TRDN: variants seen among roughly 807,000 people sequenced by gnomAD.
The protein encoded by TRDN is triadin.
In TRDN, 161 loss-of-function variants were observed where a neutral mutation model predicts 149.7. That is an observed-to-expected ratio of 1.08 (90% CI 0.95 to 1.23). The LOEUF (loss-of-function observed/expected upper bound fraction) is 1.23, where lower values mean the gene tolerates loss of function less well. TRDN is among the 50% of genes most tolerant of loss of function. TRDN has a pLI of 0.00. For synonymous variants in TRDN, 294 were observed against 250.5 expected (o/e 1.17, Z -1.64); for missense variants, 896 against 823.5 (o/e 1.09, Z -1.08).
intron 1 of TRDN, among the ~76,000 whole-genome samples, chr6:123,585,498 A>T (rs914919229): frequency 6.6e-6 from 1 of 152,130 alleles, no homozygotes; most frequent in Non-Finnish European, 1.5e-5. Flanking sequence ...GAGTTACCCG[A>T]AGCTCGGCAT....
At chr6:123,377,559 T>C (rs1582939191) in intron 18 of TRDN, among the ~76,000 whole-genome samples, 157 bp downstream of exon 18, 3 of 152,184 alleles carry the variant, frequency 2.0e-5, no homozygotes, top group African/African-American at 7.2e-5. Flanking sequence ...TAAAACTGCA[T>C]TGATGTTATG....
At position 123,255,137 on chromosome 6, in the gene TRDN, G is replaced by A; in HGVS notation, c.1907-12C>T. ...TTTTCTTGTTGAGACTGTTAATAAG[G>A]AAAATGTAAATTAAAATATAAATTT... is the stretch of plus-strand genomic sequence containing the variant. On this transcript the variant is annotated splice_polypyrimidine_tract_variant and intron_variant, in intron 36 of 40. Transcript: ENST00000334268. 1 of 1,194,978 alleles carries A rather than the reference G, an allele frequency of 8.4e-7. No homozygotes were observed. Among genetic ancestry groups the A allele is most frequent in the Non-Finnish European group, 1.1e-6 (1 of 873,438 alleles). 74.0% of individuals were successfully genotyped at this position (1,194,978 alleles called of 1,614,324 possible).
chr6:123,435,658 T>C (rs1021242625), intron 12 of TRDN, among the ~76,000 whole-genome samples: 1 of 151,996 alleles, frequency 6.6e-6, no homozygotes, highest in Admixed American at 6.6e-5. Context: ...GAAAAATCAA[T>C]GGAATTTTGT....
At chr6:123,362,486 G>C (rs1372794806) in intron 20 of TRDN, among the ~76,000 whole-genome samples, 3 of 152,002 alleles carry the variant, frequency 2.0e-5, no homozygotes, top group Non-Finnish European at 4.4e-5. Flanking sequence ...GATAATTACT[G>C]TTCCTCATAT....
intron 5 of TRDN, among the ~76,000 whole-genome samples, chr6:123,526,183 G>A (rs1413661349): frequency 6.6e-6 from 1 of 152,006 alleles, no homozygotes; most frequent in Non-Finnish European, 1.5e-5. Context: ...TACAGTCTAT[G>A]CATCTTTATA....
chr6:123,575,166 A>T (rs1782791065), intron 1 of TRDN, among the ~76,000 whole-genome samples: 1 of 151,858 alleles, frequency 6.6e-6, no homozygotes, highest in Non-Finnish European at 1.5e-5. Context: ...TGACTCAAAG[A>T]TACTGAAAAT....
chr6:123,450,719 T>C (rs1583050029), intron 10 of TRDN, among the ~76,000 whole-genome samples: 1 of 152,006 alleles, frequency 6.6e-6, no homozygotes, highest in African/African-American at 2.4e-5. Flanking sequence ...AAAGAAACAA[T>C]GGATTTAAAC....
chr6:123,361,113 G>A (rs148504660), intron 20 of TRDN, among the ~76,000 whole-genome samples: 25 of 152,196 alleles, frequency 1.6e-4, no homozygotes, highest in African/African-American at 5.5e-4. Flanking sequence ...TAGGATTGCC[G>A]TGTCAAACAG....
chr6:123,238,933 T>C (rs1033486292), intron 38 of TRDN, among the ~76,000 whole-genome samples: 3 of 152,120 alleles, frequency 2.0e-5, no homozygotes, highest in Admixed American at 2.0e-4. Flanking sequence ...CTCCACCTCC[T>C]GGGTTCAAGC....
chr6:123,367,908 T>C (rs376537781), intron 19 of TRDN, among the ~76,000 whole-genome samples: 98 of 152,218 alleles, frequency 6.4e-4, no homozygotes, highest in African/African-American at 2.0e-3. Flanking sequence ...CTACCATGAG[T>C]TTCAGCCTTC....
chr6:123,438,111 T>C lies in TRDN; in HGVS notation c.1003A>G (p.Ile335Val), dbSNP rs779688778. 1.3e-6 allele frequency: 2 copies of C among 1,585,340 alleles called. No homozygotes were observed. Among genetic ancestry groups the C allele is most frequent in the Non-Finnish European group, 1.7e-6 (2 of 1,169,430 alleles). ...SETKKKEKED[I>V]KKKSEKETAI... is the part of the protein sequence containing the mutation. ...GTTTCCTTCTCACTTTTCTTTTTGA[T>C]ATCTTCTTTTTCTGCTGGTAAAATA... is the stretch of plus-strand genomic sequence containing the variant. The change falls in exon 12 of 41, where the codon ATC becomes GTC. Residue 335 changes from isoleucine (I) to valine (V), a missense_variant. Physicochemically the swap from Ile to Val is conservative, Grantham distance 29. Transcript: ENST00000334268.
chr6:123,379,694 T>C (rs534814768), intron 16 of TRDN, among the ~76,000 whole-genome samples: 10 of 152,330 alleles, frequency 6.6e-5, no homozygotes, highest in African/African-American at 2.4e-4. Context: ...GGATAGCTCA[T>C]GGTGTAATTA....
rs1376035399 is a variant in TRDN, at chr6:123,366,895, A to G, written c.1274-713T>C. ...GGGCTTCTTTGTTTAGCTTTTAATCATGGTTGAGTCTGCTAAAAGTTGTTT... is the reference window on the plus strand; with the variant it reads ...GGGCTTCTTTGTTTAGCTTTTAATCGTGGTTGAGTCTGCTAAAAGTTGTTT... On this transcript the variant is annotated intron_variant, in intron 19 of 40. Coordinates refer to ENST00000334268, the MANE Select transcript of TRDN (RefSeq NM_006073.4). 2.0e-5 allele frequency among the ~76,000 whole-genome samples: 3 copies of G among 152,220 alleles called. 1 individual carries two copies. The highest frequency in any genetic ancestry group is 2.9e-5 in the Non-Finnish European group (2 of 68,040).
intron 4 of TRDN, among the ~76,000 whole-genome samples, chr6:123,535,418 G>T (rs1178405565): frequency 1.3e-5 from 2 of 152,064 alleles, no homozygotes; most frequent in Non-Finnish European, 2.9e-5. Context: ...TTTTCTGGTG[G>T]CTGGTAGGGA....
In TRDN at chr6:123,265,155, C is replaced by A. The variant is rs9375238; in HGVS notation, c.1804+163G>T. 0.18 allele frequency among the ~76,000 whole-genome samples: 26,835 copies of A among 151,826 alleles called. 3,085 individuals carry two copies. Among genetic ancestry groups the A allele is most frequent in the East Asian group, 0.54 (2,790 of 5,158 alleles). ...TTTGTCTCCAAGGTATGCCTGTGCA[C>A]ACAATATCCTTTGTCAACCAGACTC... On this transcript the variant is annotated intron_variant, in intron 33 of 40. Coordinates refer to ENST00000334268, the MANE Select transcript of TRDN (RefSeq NM_006073.4).
At chr6:123,622,178 T>C (rs977477699) in intron 1 of TRDN, among the ~76,000 whole-genome samples, 1 of 152,102 alleles carries the variant, frequency 6.6e-6, no homozygotes, top group Admixed American at 6.6e-5. Flanking sequence ...GATGATGAAA[T>C]TGAAGGTCTT....
At chr6:123,249,224 C>T (rs1221834720) in intron 38 of TRDN, among the ~76,000 whole-genome samples, 3 of 151,902 alleles carry the variant, frequency 2.0e-5, no homozygotes, top group African/African-American at 4.8e-5. Context: ...GAAATTAAAA[C>T]CATAATAAGA....
In TRDN at chr6:123,363,090, A is replaced by T. The variant is rs182318030; in HGVS notation, c.1321+3045T>A. Among the ~76,000 whole-genome samples, 599 of 152,318 alleles carry T rather than the reference A, an allele frequency of 3.9e-3. 5 individuals carry two copies. The highest frequency in any genetic ancestry group is 5.2e-3 in the South Asian group (25 of 4,826). On this transcript the variant is annotated intron_variant, in intron 20 of 40. Transcript: ENST00000334268. ...ATGTTAAATTATTATTCATCTTCAAAAACTTTAAAACAATTACAAAATTAG... is the reference window on the plus strand; with the variant it reads ...ATGTTAAATTATTATTCATCTTCAATAACTTTAAAACAATTACAAAATTAG...
chr6:123,550,744 G>C (rs1018861815), intron 2 of TRDN, among the ~76,000 whole-genome samples: 1 of 151,946 alleles, frequency 6.6e-6, no homozygotes, highest in Admixed American at 6.6e-5. Flanking sequence ...TGAGGGATTC[G>C]TGGAGCACAC....
Sources: allele counts gnomAD v4.1 joint callset (sites outside exome capture counted in the v4.1 genomes callset), GRCh38; gene constraint gnomAD v4.1.1; transcripts MANE v1.5; gene names NCBI Gene and HGNC (gene_info 2026-07-23, HGNC 2026-07-21).